Variants in MYT1L observed in about 807,000 individuals in gnomAD.
The protein encoded by MYT1L is myelin transcription factor 1 like, also known as myelin transcription factor 1-like protein.
Under a neutral mutation model 126.7 loss-of-function variants are expected in MYT1L, and 12 were observed. The observed-to-expected ratio is 0.09, with a 90% confidence interval of 0.06 to 0.15. The LOEUF is 0.15. Among genes scored for constraint, MYT1L ranks in the 10% least tolerant of loss-of-function variants. The pLI is 1.00. For missense variants in MYT1L, 979 were observed against 1,585.2 expected (o/e 0.62, Z 6.49); for synonymous variants, 541 against 604.2 (o/e 0.90, Z 1.53).
intron 3 of MYT1L, among the ~76,000 whole-genome samples, chr2:2,109,884 T>C (rs1255063776): frequency 3.7e-5 from 2 of 54,202 alleles, no homozygotes; most frequent in African/African-American, 5.8e-5. Flanking sequence ...TTTATATATA[T>C]ATATATATAT....
intron 18 of MYT1L, among the ~76,000 whole-genome samples, chr2:1,873,580 T>C (rs1207994541): frequency 6.6e-6 from 1 of 152,150 alleles, no homozygotes; most frequent in Non-Finnish European, 1.5e-5. Flanking sequence ...GACTGAGATT[T>C]TTGCTTCAAT....
At chr2:1,906,254 C>T (rs528287978) in intron 13 of MYT1L, among the ~76,000 whole-genome samples, 61 of 152,186 alleles carry the variant, frequency 4.0e-4, no homozygotes, top group Non-Finnish European at 7.9e-4. Context: ...ATATTTTATG[C>T]TTCCATTTTA....
intron 1 of MYT1L, among the ~76,000 whole-genome samples, chr2:2,296,614 GGAGT>G (rs2095697969): frequency 6.6e-6 from 1 of 152,100 alleles, no homozygotes; most frequent in African/African-American, 2.4e-5. Flanking sequence ...AGAGAGAGGG[GGAGT>G]GAGAGTGAGA....
chr2:2,321,847 A>G (rs1203085667), intron 1 of MYT1L, among the ~76,000 whole-genome samples: 1 of 152,204 alleles, frequency 6.6e-6, no homozygotes, highest in Admixed American at 6.5e-5. Flanking sequence ...GGAGTGTTCT[A>G]TGTAAACAGT....
At chr2:2,180,823 CCT>C (rs1330057967) in intron 2 of MYT1L, among the ~76,000 whole-genome samples, 2 of 140,194 alleles carry the variant, frequency 1.4e-5, no homozygotes, top group Non-Finnish European at 3.1e-5. Flanking sequence ...CCTGTGTGTA[CCT>C]GTGTGTGCAC....
intron 3 of MYT1L, among the ~76,000 whole-genome samples, chr2:2,061,719 G>C (rs1247304984): frequency 6.6e-6 from 1 of 152,092 alleles, no homozygotes; most frequent in Non-Finnish European, 1.5e-5. Flanking sequence ...GACCCTGAGA[G>C]ATTCTGCAGC....
chr2:2,262,456 G>A (rs1054043815), intron 2 of MYT1L, among the ~76,000 whole-genome samples: 2 of 151,982 alleles, frequency 1.3e-5, no homozygotes, highest in Admixed American at 6.6e-5. Flanking sequence ...ACTTTGGGAG[G>A]CCGAGGCAGG....
chr2:1,866,324 G>A (rs555055436), intron 18 of MYT1L, among the ~76,000 whole-genome samples: 4 of 152,218 alleles, frequency 2.6e-5, no homozygotes, highest in East Asian at 1.9e-4. Flanking sequence ...TGGCCCCGTC[G>A]CCTGCTGCCC....
rs187325852 is a variant in MYT1L, at chr2:1,849,621, C to T, written c.2774+2020G>A. Among the ~76,000 whole-genome samples the T allele has an allele frequency of 5.4e-4, 82 of 152,316 alleles. No individual in the cohort carries two copies. The East Asian group carries it at 5.4e-3, about 10-fold the overall frequency. On this transcript the variant is annotated intron_variant, in intron 19 of 24. Coordinates refer to ENST00000647738, the MANE Select transcript of MYT1L (RefSeq NM_001303052.2). ...GGGGTGCCGCACAGGTCCCACGGTGCGGAGGACGGCCCCCACGGCAAACAG... is the reference window on the plus strand; with the variant it reads ...GGGGTGCCGCACAGGTCCCACGGTGTGGAGGACGGCCCCCACGGCAAACAG...
intron 4 of MYT1L, among the ~76,000 whole-genome samples, chr2:2,018,951 C>T (rs928516438): frequency 7.9e-5 from 12 of 152,264 alleles, no homozygotes; most frequent in African/African-American, 2.6e-4. Flanking sequence ...TGTGAGTTGA[C>T]AGATGGAGAG....
At chr2:2,267,660 C>A (rs2095166975) in intron 2 of MYT1L, among the ~76,000 whole-genome samples, 1 of 152,210 alleles carries the variant, frequency 6.6e-6, no homozygotes. Flanking sequence ...GAAGGTGCAA[C>A]CAGCTAGCAT....
At chr2:1,995,723 C>T (rs1219489085) in intron 5 of MYT1L, among the ~76,000 whole-genome samples, 3 of 152,124 alleles carry the variant, frequency 2.0e-5, no homozygotes, top group Non-Finnish European at 4.4e-5. Context: ...CCAGCTGATG[C>T]CGAAATCCCC....
At chr2:1,845,301 C>T (rs964402876) in intron 19 of MYT1L, among the ~76,000 whole-genome samples, 1 of 152,080 alleles carries the variant, frequency 6.6e-6, no homozygotes, top group Non-Finnish European at 1.5e-5. Flanking sequence ...TTAAAAGTGT[C>T]GTTTTCTTTT....
intron 2 of MYT1L, among the ~76,000 whole-genome samples, chr2:2,202,719 C>T (rs1253745312): frequency 2.0e-5 from 3 of 152,166 alleles, no homozygotes; most frequent in Non-Finnish European, 4.4e-5. Flanking sequence ...ACCATTCCTT[C>T]TGAAACTATT....
chr2:2,246,072 A>C (rs1442589949), intron 2 of MYT1L, among the ~76,000 whole-genome samples: 2 of 152,172 alleles, frequency 1.3e-5, no homozygotes, highest in Non-Finnish European at 1.5e-5. Context: ...GTTTGTGGGA[A>C]TTTGTTGCAA....
At chr2:1,958,830 T>C (rs1468122086) in intron 8 of MYT1L, among the ~76,000 whole-genome samples, 2 of 144,872 alleles carry the variant, frequency 1.4e-5, no homozygotes, top group Non-Finnish European at 3.0e-5. Context: ...ATTCTCTGGT[T>C]TTCCGGCTGT....
chr2:2,111,902 A>G (rs2079511922), intron 3 of MYT1L, among the ~76,000 whole-genome samples: 1 of 152,242 alleles, frequency 6.6e-6, no homozygotes, highest in Admixed American at 6.5e-5. Context: ...CCCGGGCAGT[A>G]TATCATTCAC....
intron 19 of MYT1L, among the ~76,000 whole-genome samples, chr2:1,844,814 TCTC>T (rs1339580637): frequency 1.3e-5 from 2 of 152,096 alleles, no homozygotes; most frequent in Non-Finnish European, 2.9e-5. Flanking sequence ...CCCCTCGTCT[TCTC>T]CTTCCAAATT....
chr2:2,036,980 G>C (rs1273994645), intron 4 of MYT1L, among the ~76,000 whole-genome samples: 1 of 152,178 alleles, frequency 6.6e-6, no homozygotes, highest in African/African-American at 2.4e-5. Context: ...CAACAACAGA[G>C]GCATCCCTTG....
Sources: gnomAD v4.1 joint callset for allele counts (sites outside exome capture counted in the v4.1 genomes callset) on GRCh38, gnomAD v4.1.1 for gene constraint, MANE v1.5 for transcripts, NCBI Gene and HGNC (gene_info 2026-07-23, HGNC 2026-07-21) for gene names.